Variants in RBFOX3 observed in about 807,000 individuals in gnomAD.
The protein encoded by RBFOX3 is RNA binding fox-1 homolog 3, also known as RNA binding protein fox-1 homolog 3.
A neutral mutation model predicts 48.7 loss-of-function variants in RBFOX3; 17 were observed. That is an observed-to-expected ratio of 0.35 (90% CI 0.24 to 0.52). RBFOX3 has a LOEUF of 0.52. Ranked by LOEUF, RBFOX3 falls within the 20% of genes least tolerant of loss-of-function variation. RBFOX3 has a pLI of 0.94. For synonymous variants in RBFOX3, 212 were observed against 209.5 expected (o/e 1.01, Z -0.10); for missense variants, 382 against 497.5 (o/e 0.77, Z 2.21).
In RBFOX3 at chr17:79,423,844, A is replaced by G. The variant is rs555444523; in HGVS notation, c.-175+58610T>C. ...CATCCCGGATGCCCAGTCCAGGCGC[A>G]CACTCAGTCATGTGCTACCCAGAGC... On this transcript the variant is annotated intron_variant, in intron 2 of 14. Transcript: ENST00000693108. The surrounding 1 kb of genome is among the most constrained non-coding windows in gnomAD (Gnocchi z 4.9). 3.3e-5 allele frequency: 5 copies of G among 153,716 alleles called. No individual in the cohort carries two copies. Among genetic ancestry groups the G allele is most frequent in the African/African-American group, 1.2e-4 (5 of 41,500 alleles). The allele number at this position is 153,716 out of a possible 1,614,324, so 9.5% of individuals were successfully genotyped here.
At chr17:79,395,866 G>A (rs1190271205) in intron 2 of RBFOX3, among the ~76,000 whole-genome samples, 3 of 152,236 alleles carry the variant, frequency 2.0e-5, no homozygotes, top group Non-Finnish European at 4.4e-5. Flanking sequence ...AGAGCATCCT[G>A]CAGAAGGGGT....
At chr17:79,155,650 G>C (rs2045615743) in intron 4 of RBFOX3, among the ~76,000 whole-genome samples, 1 of 152,084 alleles carries the variant, frequency 6.6e-6, no homozygotes, top group African/African-American at 2.4e-5. Flanking sequence ...TCCCTTAGGG[G>C]CACGGAGATG....
the RBFOX3 span, among the ~76,000 whole-genome samples, chr17:79,647,006 G>C: frequency 6.6e-6 from 1 of 151,836 alleles, no homozygotes; most frequent in African/African-American, 2.4e-5. Context: ...ACAGGGGACA[G>C]GCCAACCCCA....
In RBFOX3 at chr17:79,392,203, G is replaced by A. The variant is rs139903331; in HGVS notation, c.-174-84379C>T. Among the ~76,000 whole-genome samples, 715 of 152,212 alleles carry A rather than the reference G, an allele frequency of 4.7e-3. 5 individuals carry two copies. Among genetic ancestry groups the A allele is most frequent in the African/African-American group, 0.017 (686 of 41,538 alleles). ...AAACTGGGGCAGCCTCCTCACCCCC[G>A]TCTCTTTTCTCAGTGGTTAGTTATG... On this transcript the variant is annotated intron_variant, in intron 2 of 14. Transcript: ENST00000693108. This position sits in a 1 kb window ranked among gnomAD's most constrained non-coding sequence, Gnocchi z 5.0.
intron 2 of RBFOX3, among the ~76,000 whole-genome samples, chr17:79,455,992 G>A (rs1042452868): frequency 6.6e-6 from 1 of 151,914 alleles, no homozygotes; most frequent in Non-Finnish European, 1.5e-5. Context: ...ACTTCACACT[G>A]ACGAGGCTCC....
chr17:79,276,602 T>TTGA (rs1368367450), intron 3 of RBFOX3, among the ~76,000 whole-genome samples: 3 of 152,092 alleles, frequency 2.0e-5, no homozygotes, highest in African/African-American at 7.2e-5. Flanking sequence ...GGAGAATCGC[T>TTGA]TGAACCCAGG....
At position 79,249,761 on chromosome 17, in the gene RBFOX3, C is replaced by A. The variant is rs1296876903; in HGVS notation, c.-73-13956G>T. Among the ~76,000 whole-genome samples the A allele has an allele frequency of 1.3e-5, 2 of 152,180 alleles. No homozygotes were observed. Among genetic ancestry groups the A allele is most frequent in the African/African-American group, 4.8e-5 (2 of 41,428 alleles). Reference sequence around the variant, plus strand: ...AACCCCCATTCCCTCTGCCTCCCGACCAAACCTGGTACCTCCCTGTGTGTC... The same window carrying A: ...AACCCCCATTCCCTCTGCCTCCCGAACAAACCTGGTACCTCCCTGTGTGTC... On this transcript the variant is annotated intron_variant, in intron 3 of 14. Transcript: ENST00000693108. This position sits in a 1 kb window ranked among gnomAD's most constrained non-coding sequence, Gnocchi z 4.1.
rs376442903 is a variant in RBFOX3 at position 79,479,782 on chromosome 17, G to A, written c.-175+2672C>T. 6.6e-5 allele frequency among the ~76,000 whole-genome samples: 10 copies of A among 152,338 alleles called. No homozygotes were observed. The East Asian group carries it at 7.7e-4, about 12-fold the overall frequency. On this transcript the variant is annotated intron_variant, in intron 2 of 14. Coordinates refer to ENST00000693108, the MANE Select transcript of RBFOX3 (RefSeq NM_001350451.2). The surrounding 1 kb of genome is among the most constrained non-coding windows in gnomAD (Gnocchi z 5.1). The stretch of plus-strand genomic sequence containing the variant: ...TGGGCCCCGCAACCTCCTTCTTGGA[G>A]GCAGCAGGAAGTGGCATTTTCAGAG...
At position 79,254,610 on chromosome 17, in the gene RBFOX3, T is replaced by C. The variant is rs958626954; in HGVS notation, c.-73-18805A>G. Among the ~76,000 whole-genome samples, 2 of 152,004 alleles carry C rather than the reference T, an allele frequency of 1.3e-5. No individual in the cohort carries two copies. The highest frequency in any genetic ancestry group is 4.2e-4 in the South Asian group (2 of 4,806). ...TGGTGACCAGTGCTGGCCCCAGGGA[T>C]CTCCCACCTGCTTGGGTTGGTCTTA... On this transcript the variant is annotated intron_variant, in intron 3 of 14. Coordinates refer to ENST00000693108, the MANE Select transcript of RBFOX3 (RefSeq NM_001350451.2). This position sits in a 1 kb window ranked among gnomAD's most constrained non-coding sequence, Gnocchi z 4.8.
chr17:79,505,504 C>T (rs985059042), intron 1 of RBFOX3, among the ~76,000 whole-genome samples: 17 of 152,212 alleles, frequency 1.1e-4, no homozygotes, highest in Middle Eastern at 3.2e-3. Flanking sequence ...GTCCCACCTC[C>T]CCAGCTCCTC....
intron 1 of RBFOX3, among the ~76,000 whole-genome samples, chr17:79,606,733 C>T (rs2093839650): frequency 6.6e-6 from 1 of 152,092 alleles, no homozygotes; most frequent in South Asian, 2.1e-4. Flanking sequence ...CAGAACAGGC[C>T]CCGCCGGGTA....
intron 1 of RBFOX3, among the ~76,000 whole-genome samples, chr17:79,559,021 C>G (rs2144088612): frequency 6.6e-6 from 1 of 152,244 alleles, no homozygotes; most frequent in Non-Finnish European, 1.5e-5. Context: ...GAGTCCCCAC[C>G]AGGAGACCCT....
intron 1 of RBFOX3, among the ~76,000 whole-genome samples, chr17:79,565,733 A>G (rs1235057477): frequency 6.6e-6 from 1 of 152,148 alleles, no homozygotes; most frequent in Non-Finnish European, 1.5e-5. Context: ...ATCTTAACAT[A>G]AGACCCTGGC....
chr17:79,529,568 G>A (rs1284855139), intron 1 of RBFOX3, among the ~76,000 whole-genome samples: 1 of 152,202 alleles, frequency 6.6e-6, no homozygotes, highest in African/African-American at 2.4e-5. Context: ...CTGCAGTGAG[G>A]AGGCATGAGG....
At chr17:79,664,492 G>T in the RBFOX3 span, among the ~76,000 whole-genome samples, 2 of 151,958 alleles carry the variant, frequency 1.3e-5, no homozygotes, top group South Asian at 4.1e-4. Flanking sequence ...GACTACAGGC[G>T]CCCACCACCT....
intron 2 of RBFOX3, among the ~76,000 whole-genome samples, chr17:79,381,619 C>T (rs958227065): frequency 6.6e-6 from 1 of 152,196 alleles, no homozygotes; most frequent in Non-Finnish European, 1.5e-5. Context: ...GGAACAGGCA[C>T]TTGGTGTGTG....
At chr17:79,092,810 A>G (rs1372308110) in intron 14 of RBFOX3, among the ~76,000 whole-genome samples, 1 of 152,160 alleles carries the variant, frequency 6.6e-6, no homozygotes, top group East Asian at 1.9e-4. Context: ...GGCAACAGGA[A>G]GAGTAGGACC....
chr17:79,653,253 C>A, the RBFOX3 span, among the ~76,000 whole-genome samples: 1 of 152,066 alleles, frequency 6.6e-6, no homozygotes, highest in Non-Finnish European at 1.5e-5. Context: ...GGATGAGAGC[C>A]CTGCAGCTGC....
chr17:79,138,739 A>G (rs552441269), intron 4 of RBFOX3, among the ~76,000 whole-genome samples: 9 of 62,922 alleles, frequency 1.4e-4, no homozygotes, highest in East Asian at 5.8e-4. Flanking sequence ...GCATGCACAC[A>G]GCACGTGTTC....
Sources: gnomAD v4.1 joint callset for allele counts (sites outside exome capture counted in the v4.1 genomes callset) on GRCh38, gnomAD v4.1.1 for gene constraint, Gnocchi (gnomAD v3.1) non-coding constraint, MANE v1.5 for transcripts, NCBI Gene and HGNC (gene_info 2026-07-23, HGNC 2026-07-21) for gene names.